ADGB: variants seen among roughly 807,000 people sequenced by gnomAD.
ADGB encodes the protein calpain-7-like protein.
ADGB carries 172 observed loss-of-function variants against 210.5 expected under a neutral mutation model. That is an observed-to-expected ratio of 0.82 (90% confidence interval 0.72 to 0.93). The LOEUF (loss-of-function observed/expected upper bound fraction) is 0.93. Among genes scored for constraint, ADGB ranks in the 40% least tolerant of loss-of-function variants. The pLI is 0.00. For synonymous variants in ADGB, 658 were observed against 662.7 expected (o/e 0.99, Z 0.11); for missense variants, 2,025 against 1,964.8 (o/e 1.03, Z -0.58).
intron 28 of ADGB, among the ~76,000 whole-genome samples, chr6:146,768,021 A>C (rs1332849323): frequency 1.3e-5 from 2 of 152,202 alleles, no homozygotes; most frequent in East Asian, 1.9e-4. Flanking sequence ...GAATTAACCA[A>C]AAATATATCA....
intron 1 of ADGB, among the ~76,000 whole-genome samples, chr6:146,633,235 T>A (rs1781089963): frequency 1.3e-5 from 2 of 152,174 alleles, no homozygotes; most frequent in Admixed American, 1.3e-4. Flanking sequence ...AATCTATTTC[T>A]TGCCTTCTCT....
chr6:146,788,477 G>T lies in ADGB; in HGVS notation c.4404G>T (p.Gly1468=). ...AAGAGATGACACAAACAGGATCAGG[G>T]AGTGCGGTGTGGAAGAAGTGGCAAT... ...ESKEMTQTGS[G]SAVWKKWQLT... The change falls in exon 33 of 36, where the codon GGG becomes GGT. Residue 1468 remains glycine (G), a synonymous_variant. Coordinates refer to ENST00000397944, the MANE Select transcript of ADGB (RefSeq NM_024694.4). 1 of 1,551,652 alleles carries T rather than the reference G, an allele frequency of 6.4e-7. No homozygotes were observed. Among genetic ancestry groups the T allele is most frequent in the Non-Finnish European group, 8.7e-7 (1 of 1,146,952 alleles).
intron 21 of ADGB, 35 bp downstream of exon 21, chr6:146,733,290 T>A: frequency 1.4e-6 from 2 of 1,436,890 alleles, no homozygotes; most frequent in South Asian, 2.9e-5. Flanking sequence ...ATCAAGGAAT[T>A]CCTAGTTTTA....
chr6:146,665,095 C>T (rs184025600), intron 6 of ADGB, among the ~76,000 whole-genome samples: 7 of 152,174 alleles, frequency 4.6e-5, no homozygotes, highest in Admixed American at 1.3e-4. Flanking sequence ...ATTTTATACA[C>T]GTCCACCTCC....
chr6:146,679,121 C>T (rs1339720014), intron 9 of ADGB, among the ~76,000 whole-genome samples: 1 of 152,130 alleles, frequency 6.6e-6, no homozygotes, highest in Non-Finnish European at 1.5e-5. Context: ...CAATTCAGTC[C>T]AATGGCCACA....
intron 28 of ADGB, among the ~76,000 whole-genome samples, chr6:146,766,309 C>A (rs186507415): frequency 3.9e-5 from 6 of 151,940 alleles, no homozygotes; most frequent in Non-Finnish European, 8.8e-5. Flanking sequence ...TGTCTGTAAT[C>A]CCAGCTACTT....
chr6:146,729,175 G>C (rs914875462), intron 20 of ADGB, among the ~76,000 whole-genome samples: 2 of 152,156 alleles, frequency 1.3e-5, no homozygotes, highest in South Asian at 2.1e-4. Flanking sequence ...CAGCCTTGAG[G>C]GGGTGAAGCA....
At chr6:146,663,648 A>C (rs1411467359) in intron 5 of ADGB, among the ~76,000 whole-genome samples, 1 of 151,962 alleles carries the variant, frequency 6.6e-6, no homozygotes, top group East Asian at 1.9e-4. Context: ...TTCAATATAG[A>C]TATACATGTT....
intron 1 of ADGB, among the ~76,000 whole-genome samples, chr6:146,608,965 G>C (rs1780668237): frequency 6.6e-6 from 1 of 152,104 alleles, no homozygotes; most frequent in African/African-American, 2.4e-5. Context: ...ATTGTCATCG[G>C]GGTGTTAAGG....
intron 14 of ADGB, among the ~76,000 whole-genome samples, chr6:146,716,386 T>C (rs1562281806): frequency 6.9e-6 from 1 of 144,042 alleles, no homozygotes. Flanking sequence ...GGTCAGGAGA[T>C]CGAGACCATC....
At chr6:146,701,712 A>T (rs1776492422) in intron 13 of ADGB, among the ~76,000 whole-genome samples, 1 of 151,976 alleles carries the variant, frequency 6.6e-6, no homozygotes, top group Admixed American at 6.6e-5. Flanking sequence ...CATATTAATT[A>T]ACTGAGAATT....
intron 1 of ADGB, among the ~76,000 whole-genome samples, chr6:146,617,539 A>AT (rs1359471239): frequency 2.7e-5 from 4 of 150,834 alleles, no homozygotes; most frequent in South Asian, 2.1e-4. Context: ...AAGGCTTTCA[A>AT]TTTTTTTTTC....
intron 7 of ADGB, among the ~76,000 whole-genome samples, chr6:146,671,908 G>A (rs964933768): frequency 5.3e-5 from 8 of 152,106 alleles, no homozygotes; most frequent in African/African-American, 1.4e-4. Context: ...CCACTTAATA[G>A]ATGCTCAAGG....
At chr6:146,705,463 G>A (rs1583598304) in intron 13 of ADGB, among the ~76,000 whole-genome samples, 1 of 152,222 alleles carries the variant, frequency 6.6e-6, no homozygotes, top group Non-Finnish European at 1.5e-5. Flanking sequence ...TTAGTTGTAA[G>A]TTGAGAGGTT....
chr6:146,761,833 A>G (rs1777493883), intron 27 of ADGB, among the ~76,000 whole-genome samples: 1 of 152,098 alleles, frequency 6.6e-6, no homozygotes, highest in South Asian at 2.1e-4. Context: ...TGAAATCAAC[A>G]TATTGTCTAG....
chr6:146,698,684 G>C (rs17076227), intron 12 of ADGB, among the ~76,000 whole-genome samples: 1 of 152,004 alleles, frequency 6.6e-6, no homozygotes, highest in African/African-American at 2.4e-5. Context: ...TGCTACTTTC[G>C]TTTTAAAATT....
intron 7 of ADGB, among the ~76,000 whole-genome samples, chr6:146,668,566 TAGTG>T (rs1199401809): frequency 2.6e-5 from 4 of 152,068 alleles, no homozygotes; most frequent in Non-Finnish European, 5.9e-5. Context: ...TGTACAATGT[TAGTG>T]AGAGAAGTAG....
At chr6:146,673,387 A>T (rs936866739) in intron 8 of ADGB, among the ~76,000 whole-genome samples, 1 of 152,162 alleles carries the variant, frequency 6.6e-6, no homozygotes, top group African/African-American at 2.4e-5. Context: ...TGAACTTAAA[A>T]TGGGGTTTCT....
Position 146,733,103 on chromosome 6 carries a change from A to T in ADGB, c.2521-17A>T, listed in dbSNP as rs1562286531. 1.4e-6 allele frequency: 1 copy of T among 729,444 alleles called. No homozygotes were observed. The highest frequency in any genetic ancestry group is 1.8e-6 in the Non-Finnish European group (1 of 544,392). 45.2% of individuals were successfully genotyped at this position (729,444 alleles called of 1,614,324 possible). On this transcript the variant is annotated splice_polypyrimidine_tract_variant and intron_variant, in intron 20 of 35. Coordinates refer to ENST00000397944, the MANE Select transcript of ADGB (RefSeq NM_024694.4). The stretch of plus-strand genomic sequence containing the variant: ...TGATGGTATTTTCTTGCTATAAAAA[A>T]AATTTATGTGTTTCAGGTTTTTCAT...
Sources: gnomAD v4.1 joint callset for allele counts (sites outside exome capture counted in the v4.1 genomes callset) on GRCh38, gnomAD v4.1.1 for gene constraint, MANE v1.5 for transcripts, NCBI Gene and HGNC (gene_info 2026-07-23, HGNC 2026-07-21) for gene names.